Variants in CREB5 observed in about 807,000 individuals in gnomAD.
CREB5 encodes cAMP responsive element binding protein 5.
Under a neutral mutation model 57.1 loss-of-function variants are expected in CREB5, and 19 were observed. The observed-to-expected ratio is 0.33, with a 90% confidence interval of 0.23 to 0.49. The LOEUF (loss-of-function observed/expected upper bound fraction) is 0.49. CREB5 is among the 20% of genes least tolerant of loss of function. The pLI, the probability that CREB5 is intolerant of heterozygous loss-of-function variation, is 0.99. For synonymous variants in CREB5, 238 were observed against 238.3 expected (o/e 1.00, Z 0.01); for missense variants, 579 against 671.6 (o/e 0.86, Z 1.52).
chr7:28,399,378 A>G (rs1362053644), intron 1 of CREB5, among the ~76,000 whole-genome samples: 1 of 150,958 alleles, frequency 6.6e-6, no homozygotes, highest in Non-Finnish European at 1.5e-5. Context: ...ACATCACATT[A>G]CCTGACTTCA....
chr7:28,520,973 GT>G (rs1562771932), intron 4 of CREB5, among the ~76,000 whole-genome samples: 1 of 152,186 alleles, frequency 6.6e-6, no homozygotes. Context: ...ATAAGACAGG[GT>G]TTTTTTCTCC....
upstream of CREB5, among the ~76,000 whole-genome samples, chr7:28,407,614 C>A (rs931892906): frequency 3.3e-5 from 5 of 152,172 alleles, no homozygotes; most frequent in African/African-American, 1.2e-4. Flanking sequence ...AGCTAGAAAC[C>A]TTTTGCATGA....
rs75961191 is a variant in CREB5 at position 28,423,246 on chromosome 7, C to T, written c.3+10329C>T. On this transcript the variant is annotated intron_variant, in intron 1 of 10. Transcript: ENST00000357727. Reference sequence around the variant, plus strand: ...ACAAATATCAGCACCCTGTCTGAGCCTAAATTCCTTTCCTTCCTTCATCCC... The same window carrying T: ...ACAAATATCAGCACCCTGTCTGAGCTTAAATTCCTTTCCTTCCTTCATCCC... Among the ~76,000 whole-genome samples, 975 of 152,256 alleles carry T rather than the reference C, an allele frequency of 6.4e-3. 14 individuals carry two copies. Among genetic ancestry groups the T allele is most frequent in the African/African-American group, 0.022 (923 of 41,540 alleles).
At chr7:28,614,128 T>G (rs770168087) in intron 5 of CREB5, among the ~76,000 whole-genome samples, 30 of 152,110 alleles carry the variant, frequency 2.0e-4, no homozygotes, top group Admixed American at 1.0e-3. Context: ...CCCAGCTAAT[T>G]TTTTGTATGT....
At chr7:28,773,640 C>G (rs1806459648) in intron 7 of CREB5, among the ~76,000 whole-genome samples, 1 of 152,118 alleles carries the variant, frequency 6.6e-6, no homozygotes, top group Non-Finnish European at 1.5e-5. Context: ...ACTTTATTTA[C>G]AAAAACAGCT....
intron 7 of CREB5, among the ~76,000 whole-genome samples, chr7:28,803,755 C>CAAAA (rs562078960): frequency 6.3e-5 from 5 of 79,784 alleles, no homozygotes; most frequent in Non-Finnish European, 9.8e-5. Context: ...GACTCCATCT[C>CAAAA]AAAAAAAAAA....
Position 28,631,736 on chromosome 7 carries a change from A to T in CREB5, c.464+61199A>T, listed in dbSNP as rs115510093. On this transcript the variant is annotated intron_variant, in intron 5 of 10. Transcript: ENST00000357727. ...GCTTGCAGTCAAGTAAGGAAGCTAG[A>T]CAAAAAGAAATAAGCAAATATATGA... is the stretch of plus-strand genomic sequence containing the variant. Among the ~76,000 whole-genome samples the T allele has an allele frequency of 6.3e-3, 956 of 152,314 alleles. 10 individuals are homozygous for T. Among genetic ancestry groups the T allele is most frequent in the African/African-American group, 0.021 (880 of 41,564 alleles).
intron 1 of CREB5, among the ~76,000 whole-genome samples, chr7:28,416,095 G>C (rs1788013060): frequency 6.6e-6 from 1 of 152,160 alleles, no homozygotes; most frequent in Non-Finnish European, 1.5e-5. Flanking sequence ...TTAAGATGGG[G>C]AATAACAATG....
chr7:28,811,315 C>T (rs942799477), intron 9 of CREB5, among the ~76,000 whole-genome samples: 4 of 152,204 alleles, frequency 2.6e-5, no homozygotes, highest in Non-Finnish European at 2.9e-5. Flanking sequence ...TGGCTGGACT[C>T]AACCACCTTT....
Position 28,644,237 on chromosome 7 carries a change from T to C in CREB5, c.464+73700T>C, listed in dbSNP as rs941501801. Among the ~76,000 whole-genome samples, 8 of 152,076 alleles carry C rather than the reference T, an allele frequency of 5.3e-5. 1 individual carries two copies. Among genetic ancestry groups the C allele is most frequent in the African/African-American group, 1.9e-4 (8 of 41,416 alleles). ...AGTTCCTGTAATGTAGCTGAGTGTC[T>C]TGGGACAAGCAGACCTGGTGATGCC... On this transcript the variant is annotated intron_variant, in intron 5 of 10. Coordinates refer to ENST00000357727, the MANE Select transcript of CREB5 (RefSeq NM_182898.4).
chr7:28,642,782 G>A (rs117025523), intron 5 of CREB5, among the ~76,000 whole-genome samples: 2,009 of 152,182 alleles, frequency 0.013, 25 homozygotes, highest in Middle Eastern at 0.024. Flanking sequence ...ACTGTCCATC[G>A]TGAATTTTTG....
chr7:28,504,671 G>A (rs552346280), intron 3 of CREB5, among the ~76,000 whole-genome samples: 30 of 152,168 alleles, frequency 2.0e-4, no homozygotes, highest in Admixed American at 9.8e-4. Context: ...CTGAAGTGGC[G>A]CTGCATAAAC....
intron 3 of CREB5, among the ~76,000 whole-genome samples, chr7:28,503,963 T>C (rs1391577170): frequency 6.6e-6 from 1 of 152,164 alleles, no homozygotes; most frequent in Non-Finnish European, 1.5e-5. Flanking sequence ...AGGATATAGT[T>C]AGAGAAAAGC....
intron 4 of CREB5, among the ~76,000 whole-genome samples, chr7:28,565,388 T>C (rs368064717): frequency 3.9e-5 from 6 of 152,320 alleles, no homozygotes; most frequent in South Asian, 4.1e-4. Flanking sequence ...GAAGGTCATA[T>C]CTGTACCTTG....
chr7:28,787,243 T>A (rs1026539521), intron 7 of CREB5, among the ~76,000 whole-genome samples: 2 of 152,164 alleles, frequency 1.3e-5, no homozygotes, highest in Admixed American at 6.5e-5. Flanking sequence ...TGGCCCAGCC[T>A]CAAAACACAT....
chr7:28,348,341 A>G (rs904103228), intron 1 of CREB5, among the ~76,000 whole-genome samples: 2 of 151,958 alleles, frequency 1.3e-5, no homozygotes, highest in East Asian at 3.9e-4. Flanking sequence ...TTCCTCATTT[A>G]TAAAATGATG....
At chr7:28,478,222 A>G (rs1331657082) in intron 1 of CREB5, among the ~76,000 whole-genome samples, 2 of 152,136 alleles carry the variant, frequency 1.3e-5, no homozygotes, top group Admixed American at 6.6e-5. Flanking sequence ...GTGGGCCAAG[A>G]GTTTTGTAGT....
intron 7 of CREB5, among the ~76,000 whole-genome samples, chr7:28,747,308 T>G (rs909414299): frequency 2.0e-5 from 3 of 152,208 alleles, no homozygotes; most frequent in African/African-American, 7.2e-5. Context: ...TTAAATCTTC[T>G]CAGCATCATC....
intron 7 of CREB5, among the ~76,000 whole-genome samples, chr7:28,789,342 G>A (rs145466655): frequency 2.8e-4 from 42 of 152,170 alleles, no homozygotes; most frequent in South Asian, 6.2e-4. Flanking sequence ...GAGAGTGTTC[G>A]CCTCTTAGCT....
Sources: allele counts gnomAD v4.1 joint callset (sites outside exome capture counted in the v4.1 genomes callset), GRCh38; gene constraint gnomAD v4.1.1; transcripts MANE v1.5; gene names NCBI Gene and HGNC (gene_info 2026-07-23, HGNC 2026-07-21).